Variants in VPS50 observed in about 807,000 individuals in gnomAD.
VPS50 encodes VPS50 subunit of EARP/GARPII complex, also known as syndetin.
Under a neutral mutation model 139.7 loss-of-function variants are expected in VPS50, and 70 were observed. The observed-to-expected ratio is 0.50, with a 90% CI of 0.41 to 0.61. The LOEUF is 0.61. Among genes scored for constraint, VPS50 ranks in the 20% least tolerant of loss-of-function variants. The pLI is 0.00. For synonymous variants in VPS50, 365 were observed against 376.7 expected, an observed-to-expected ratio of 0.97 and a Z score of 0.36; for missense variants, 921 against 1,133.7, an observed-to-expected ratio of 0.81 and a Z score of 2.69.
chr7:93,358,294 T>C, intron 27 of VPS50, 23 bp from the exon 28 acceptor site: 8 of 1,611,360 alleles, frequency 5.0e-6, no homozygotes, highest in Non-Finnish European at 5.1e-6. Context: ...GGTACTAAAT[T>C]TGGATCTTTC....
intron 23 of VPS50, among the ~76,000 whole-genome samples, chr7:93,343,498 C>G (rs1798290611): frequency 6.6e-6 from 1 of 152,078 alleles, no homozygotes; most frequent in Admixed American, 6.6e-5. Context: ...CAAAGATACT[C>G]CTCGAGAAGA....
intron 9 of VPS50, among the ~76,000 whole-genome samples, chr7:93,260,681 G>T (rs1270355155): frequency 4.6e-5 from 5 of 109,356 alleles, no homozygotes; most frequent in South Asian, 3.3e-4. Context: ...ATGTTTTTTT[G>T]TTTGTTTGTT....
At chr7:93,240,733 G>T (rs1794964603) in intron 2 of VPS50, among the ~76,000 whole-genome samples, 1 of 152,152 alleles carries the variant, frequency 6.6e-6, no homozygotes, top group African/African-American at 2.4e-5. Context: ...AATACACAGG[G>T]TGTGCTTCTC....
In VPS50 at chr7:93,350,542, G is replaced by A. The variant is rs138131352; in HGVS notation, c.2463+509G>A. On this transcript the variant is annotated intron_variant, in intron 25 of 27. Coordinates refer to ENST00000305866, the MANE Select transcript of VPS50 (RefSeq NM_017667.4). ...TGAATAAGATATCTGTAGATCACCT[G>A]ATATGTGTCACACGCTGATAGAAGT... Among the ~76,000 whole-genome samples, 508 of 152,214 alleles carry A rather than the reference G, an allele frequency of 3.3e-3. 3 individuals are homozygous for A. Among genetic ancestry groups the A allele is most frequent in the African/African-American group, 0.012 (483 of 41,550 alleles).
chr7:93,340,232 G>C (rs1397712083), intron 22 of VPS50, among the ~76,000 whole-genome samples: 1 of 152,178 alleles, frequency 6.6e-6, no homozygotes, highest in Admixed American at 6.5e-5. Flanking sequence ...GATGATGCCA[G>C]TATTCTAAAC....
intron 27 of VPS50, among the ~76,000 whole-genome samples, chr7:93,356,401 G>A (rs1798708138): frequency 6.6e-6 from 1 of 152,104 alleles, no homozygotes; most frequent in South Asian, 2.1e-4. Context: ...GATAAATACT[G>A]AGACAGATTG....
chr7:93,244,165 A>G (rs1795082177), intron 2 of VPS50, among the ~76,000 whole-genome samples: 1 of 151,888 alleles, frequency 6.6e-6, no homozygotes, highest in African/African-American at 2.4e-5. Flanking sequence ...AAGGATAAGA[A>G]ATAATTTTTT....
chr7:93,348,295 C>G (rs1016292653), intron 23 of VPS50, among the ~76,000 whole-genome samples: 5 of 152,190 alleles, frequency 3.3e-5, no homozygotes, highest in Non-Finnish European at 5.9e-5. Flanking sequence ...GGGGTTACTT[C>G]TGAAAAGTGT....
chr7:93,353,521 TG>T (rs1185125839), intron 25 of VPS50, 118 bp from the exon 26 acceptor site: 2 of 1,124,840 alleles, frequency 1.8e-6, no homozygotes, highest in African/African-American at 3.1e-5. Context: ...TTATCTTTTT[TG>T]ATTTTACTTG....
In VPS50 at chr7:93,232,439, A is replaced by T. The variant is rs775238645; in HGVS notation, c.-29A>T. On this transcript the variant is annotated 5_prime_UTR_variant, in exon 1 of 28. Transcript: ENST00000305866. ...CTCGGTGTGATTTGTTAGCTCTTTG[A>T]GGCAGGGTACCCTCCTCAGGATTTC... 1 of 1,602,730 alleles carries T rather than the reference A, an allele frequency of 6.2e-7. No individual in the cohort carries two copies. The highest frequency in any genetic ancestry group is 8.5e-7 in the Non-Finnish European group (1 of 1,170,118).
chr7:93,333,664 G>A (rs184925198), intron 21 of VPS50, among the ~76,000 whole-genome samples: 303 of 152,196 alleles, frequency 2.0e-3, no homozygotes, highest in African/African-American at 6.8e-3. Flanking sequence ...ATAGAAAATC[G>A]TATTGATTTT....
chr7:93,314,554 T>C (rs1797367771), intron 20 of VPS50, among the ~76,000 whole-genome samples: 1 of 152,068 alleles, frequency 6.6e-6, no homozygotes, highest in Admixed American at 6.6e-5. Flanking sequence ...CACGGTTCTC[T>C]CTCCTGGAAG....
intron 2 of VPS50, among the ~76,000 whole-genome samples, chr7:93,250,603 C>T (rs951403525): frequency 1.3e-5 from 2 of 151,966 alleles, no homozygotes; most frequent in South Asian, 2.1e-4. Context: ...AGAAGAAAAC[C>T]TAGGCAATAC....
At chr7:93,267,148 A>G (rs1240242749) in intron 9 of VPS50, among the ~76,000 whole-genome samples, 1 of 152,206 alleles carries the variant, frequency 6.6e-6, no homozygotes, top group Non-Finnish European at 1.5e-5. Flanking sequence ...GAATTCAGAT[A>G]TATTTCTTTT....
intron 16 of VPS50, among the ~76,000 whole-genome samples, chr7:93,302,072 G>GT (rs2116965063): frequency 6.6e-6 from 1 of 152,250 alleles, no homozygotes; most frequent in East Asian, 1.9e-4. Context: ...TTACAGAAAT[G>GT]TTTGTTCAAA....
intron 17 of VPS50, 29 bp from the exon 18 acceptor site, chr7:93,305,799 G>A (rs754788746): frequency 6.3e-7 from 1 of 1,580,164 alleles, no homozygotes; most frequent in Admixed American, 1.7e-5. Flanking sequence ...TGTTGCTAAA[G>A]GGTATCTGGC....
intron 23 of VPS50, among the ~76,000 whole-genome samples, chr7:93,346,294 A>C (rs1226323884): frequency 6.6e-6 from 1 of 152,238 alleles, no homozygotes; most frequent in Non-Finnish European, 1.5e-5. Context: ...TTCAAGGAGA[A>C]CTACAGACCA....
intron 1 of VPS50, 33 bp from the exon 2 acceptor site, chr7:93,239,833 T>C: frequency 7.9e-7 from 1 of 1,273,366 alleles, no homozygotes; most frequent in South Asian, 1.2e-5. Context: ...TTCAGCATGA[T>C]TAAAATTTTC....
intron 12 of VPS50, among the ~76,000 whole-genome samples, chr7:93,288,364 T>C (rs1396425592): frequency 6.6e-6 from 1 of 152,206 alleles, no homozygotes; most frequent in Admixed American, 6.5e-5. Context: ...ATGAATAATG[T>C]TCTACCAATC....
Sources: gnomAD v4.1 joint callset for allele counts (sites outside exome capture counted in the v4.1 genomes callset) on GRCh38, gnomAD v4.1.1 for gene constraint, MANE v1.5 for transcripts, NCBI Gene and HGNC (gene_info 2026-07-23, HGNC 2026-07-21) for gene names.